Variants in DPP6 observed in about 807,000 individuals in gnomAD.
The protein encoded by DPP6 is A-type potassium channel modulatory protein DPP6.
DPP6 carries 69 observed loss-of-function variants against 122.6 expected under a neutral mutation model. The observed-to-expected ratio is 0.56, with a 90% confidence interval of 0.46 to 0.69. DPP6 has a LOEUF of 0.69. Among genes scored for constraint, DPP6 ranks in the 30% least tolerant of loss-of-function variants. The pLI, the probability that DPP6 is intolerant of heterozygous loss-of-function variation, is 0.00. For synonymous variants in DPP6, 418 were observed against 433.1 expected, an observed-to-expected ratio of 0.97 and a Z score of 0.43; for missense variants, 928 against 1,116.9, an observed-to-expected ratio of 0.83 and a Z score of 2.41.
intron 1 of DPP6, chr7:154,058,911 T>C (rs1403837374): frequency 1.0e-4 from 15 of 146,128 alleles, no homozygotes; most frequent in African/African-American, 3.1e-4. Flanking sequence ...AGCTATCCCC[T>C]CTTCCGCCCC....
At chr7:154,325,363 C>T (rs1276098952) in intron 1 of DPP6, among the ~76,000 whole-genome samples, 1 of 152,162 alleles carries the variant, frequency 6.6e-6, no homozygotes, top group Non-Finnish European at 1.5e-5. Flanking sequence ...TCTGGGAACC[C>T]CTTAATGACA....
At chr7:154,418,837 T>C (rs920659458) in intron 1 of DPP6, among the ~76,000 whole-genome samples, 2 of 152,208 alleles carry the variant, frequency 1.3e-5, no homozygotes. Flanking sequence ...CCATGGACCC[T>C]TCTTAAGAAG....
intron 13 of DPP6, among the ~76,000 whole-genome samples, 165 bp downstream of exon 13, chr7:154,801,627 C>T (rs1798372992): frequency 6.6e-6 from 1 of 152,112 alleles, no homozygotes; most frequent in South Asian, 2.1e-4. Flanking sequence ...TGCAGAGGTT[C>T]CCATCAGGCC....
chr7:154,510,936 GCACACACACA>G (rs3056506), intron 3 of DPP6, among the ~76,000 whole-genome samples: 26,215 of 145,048 alleles, frequency 0.18, 2,437 homozygotes, highest in African/African-American at 0.21. Flanking sequence ...ACACACACAT[GCACACACACA>G]CACACACACA....
the DPP6 span, among the ~76,000 whole-genome samples, chr7:153,875,850 A>G: frequency 2.6e-4 from 39 of 151,436 alleles, 1 homozygote; most frequent in South Asian, 7.9e-3. Flanking sequence ...TCAGATTAAA[A>G]GGCAAAATTG....
intron 8 of DPP6, among the ~76,000 whole-genome samples, chr7:154,745,950 A>G (rs1843017426): frequency 2.0e-5 from 3 of 152,128 alleles, no homozygotes; most frequent in African/African-American, 7.2e-5. Context: ...TTCAACACGA[A>G]GTTTGGAGGG....
At chr7:154,063,980 C>G (rs555205961) in intron 1 of DPP6, among the ~76,000 whole-genome samples, 1 of 151,880 alleles carries the variant, frequency 6.6e-6, no homozygotes, top group Admixed American at 6.6e-5. Context: ...CTAGAGCAAA[C>G]GCAAAGCCCA....
At chr7:153,963,389 G>A (rs1795461661) in intron 1 of DPP6, among the ~76,000 whole-genome samples, 4 of 147,862 alleles carry the variant, frequency 2.7e-5, no homozygotes, top group South Asian at 2.2e-4. Flanking sequence ...TAAAAAACCC[G>A]AGAAAACCTG....
rs116994317 is a variant in DPP6, at chr7:154,728,178, G to A, written c.883+291G>A. ...TGCAATTCATCCCTGAAGGGCAGGA[G>A]GCTCGTTAATGGGAGATTTATTATG... is the stretch of plus-strand genomic sequence containing the variant. On this transcript the variant is annotated intron_variant, in intron 8 of 25. Coordinates refer to ENST00000377770, the MANE Select transcript of DPP6 (RefSeq NM_130797.4). Among the ~76,000 whole-genome samples the A allele has an allele frequency of 2.0e-3, 309 of 152,328 alleles. 1 individual carries two copies. Among genetic ancestry groups the A allele is most frequent in the Middle Eastern group, 0.014 (4 of 294 alleles).
At chr7:154,459,557 A>T (rs1309895604) in intron 2 of DPP6, among the ~76,000 whole-genome samples, 1 of 152,142 alleles carries the variant, frequency 6.6e-6, no homozygotes, top group East Asian at 1.9e-4. Context: ...TTGGCTGGGC[A>T]TGGTGGCTCA....
In DPP6 at chr7:154,060,390, C is replaced by G. The variant is rs141469384; in HGVS notation, c.243+7327C>G. Among the ~76,000 whole-genome samples, 10 of 109,366 alleles carry G rather than the reference C, an allele frequency of 9.1e-5. 1 individual carries two copies. Among genetic ancestry groups the G allele is most frequent in the Non-Finnish European group, 1.7e-4 (9 of 53,226 alleles). The allele number at this position is 109,366 out of a possible 152,430, so 71.7% of individuals were successfully genotyped here. Reference sequence around the variant, plus strand: ...CCAGCCCCTGGTTCCCCCACTGGCTCTTAGGACCCCCATCGCAGAGGGGGG... The same window carrying G: ...CCAGCCCCTGGTTCCCCCACTGGCTGTTAGGACCCCCATCGCAGAGGGGGG... On this transcript the variant is annotated intron_variant, in intron 1 of 25. Transcript: ENST00000377770.
intron 6 of DPP6, among the ~76,000 whole-genome samples, chr7:154,667,443 G>T (rs1301515469): frequency 6.6e-6 from 1 of 152,118 alleles, no homozygotes; most frequent in Non-Finnish European, 1.5e-5. Flanking sequence ...ACATACAAAT[G>T]TTGGCTGGGC....
the DPP6 span, among the ~76,000 whole-genome samples, chr7:153,831,136 T>C: frequency 3.9e-5 from 6 of 152,358 alleles, no homozygotes; most frequent in Admixed American, 3.9e-4. Context: ...TACTATGTAA[T>C]ATGTGACTAA....
At chr7:153,886,875 G>C (rs1430198851), upstream of DPP6, among the ~76,000 whole-genome samples, 1 of 152,108 alleles carries the variant, frequency 6.6e-6, no homozygotes, top group East Asian at 1.9e-4. Context: ...GGGCGCAGCC[G>C]ATCAATAGTT....
chr7:154,296,195 C>T (rs1359365736), intron 1 of DPP6, among the ~76,000 whole-genome samples: 1 of 152,050 alleles, frequency 6.6e-6, no homozygotes, highest in Non-Finnish European at 1.5e-5. Context: ...CCGCCTGCCT[C>T]GGCCTCGCAA....
At chr7:153,974,333 G>C (rs1340160892) in intron 1 of DPP6, among the ~76,000 whole-genome samples, 1 of 152,150 alleles carries the variant, frequency 6.6e-6, no homozygotes, top group African/African-American at 2.4e-5. Context: ...CGTTTCCCAT[G>C]TGGAATTGTG....
intron 1 of DPP6, among the ~76,000 whole-genome samples, chr7:154,347,047 TAC>T (rs1449698417): frequency 2.0e-5 from 3 of 152,030 alleles, no homozygotes; most frequent in East Asian, 1.9e-4. Flanking sequence ...TGCATGCACG[TAC>T]ACACACACAC....
chr7:154,386,065 T>G (rs901171597), intron 1 of DPP6, among the ~76,000 whole-genome samples: 2 of 152,192 alleles, frequency 1.3e-5, no homozygotes, highest in Non-Finnish European at 2.9e-5. Context: ...ATGCTGCTAG[T>G]GCCAAGATTC....
chr7:154,354,166 CCTT>C (rs1438719390), intron 1 of DPP6, among the ~76,000 whole-genome samples: 1 of 152,118 alleles, frequency 6.6e-6, no homozygotes, highest in African/African-American at 2.4e-5. Flanking sequence ...CCACCTAAAC[CCTT>C]CTTCTCAGCT....
Sources: allele counts gnomAD v4.1 joint callset (sites outside exome capture counted in the v4.1 genomes callset), GRCh38; gene constraint gnomAD v4.1.1; transcripts MANE v1.5; gene names NCBI Gene and HGNC (gene_info 2026-07-23, HGNC 2026-07-21).